Variants in ACTN4 observed in about 807,000 individuals in gnomAD.
ACTN4 encodes the protein actinin alpha 4.
Under a neutral mutation model 114.2 loss-of-function variants are expected in ACTN4, and 18 were observed. The ratio of observed to expected loss-of-function variants is 0.16; its 90% CI spans 0.11 to 0.23. ACTN4 has a LOEUF of 0.23. ACTN4 is among the 10% of genes least tolerant of loss of function. The probability of loss-of-function intolerance (pLI) is 1.00; values close to 1 mark genes in which losing one functional copy is unlikely to be tolerated. For synonymous variants in ACTN4, 515 were observed against 506.3 expected (o/e 1.02, Z -0.23); for missense variants, 722 against 1,262.9 (o/e 0.57, Z 6.49).
At chr19:38,648,820 A>G (rs987020413) in intron 1 of ACTN4, among the ~76,000 whole-genome samples, 1 of 151,938 alleles carries the variant, frequency 6.6e-6, no homozygotes, top group African/African-American at 2.4e-5. Context: ...AATTGATGGG[A>G]AGCTGAAAAG....
In ACTN4 at chr19:38,729,966, C is replaced by CAAGCACCCCGCTTT. The variant is rs1969429809; in HGVS notation, c.*535_*548dup. 1 of 325,622 alleles carries CAAGCACCCCGCTTT rather than the reference C, an allele frequency of 3.1e-6. No homozygotes were observed. Among genetic ancestry groups the CAAGCACCCCGCTTT allele is most frequent in the Non-Finnish European group, 6.0e-6 (1 of 167,200 alleles). 20.2% of individuals were successfully genotyped at this position (325,622 alleles called of 1,614,324 possible). Reference sequence around the variant, plus strand: ...TGCCATTGCCAGGAGATGGCCCCAACAAGCACCCCGCTTTTGCAGCAGAGG... The same window carrying CAAGCACCCCGCTTT: ...TGCCATTGCCAGGAGATGGCCCCAACAAGCACCCCGCTTTAAGCACCCCGCTTTTGCAGCAGAGG... On this transcript the variant is annotated 3_prime_UTR_variant, in exon 21 of 21. Coordinates refer to ENST00000252699, the MANE Select transcript of ACTN4 (RefSeq NM_004924.6).
At chr19:38,696,880 G>T (rs918492173) in intron 1 of ACTN4, among the ~76,000 whole-genome samples, 15 of 152,238 alleles carry the variant, frequency 9.9e-5, no homozygotes, top group African/African-American at 3.6e-4. Context: ...GCCTGTGTCA[G>T]TCAGGAAGAC....
chr19:38,649,878 C>T (rs1157736676), intron 1 of ACTN4, among the ~76,000 whole-genome samples: 2 of 152,072 alleles, frequency 1.3e-5, no homozygotes, highest in Non-Finnish European at 1.5e-5. Flanking sequence ...TGAATTTCCT[C>T]ATCCGTAGTA....
chr19:38,720,252 G>A lies in ACTN4; in HGVS notation c.1292-1286G>A, dbSNP rs190066467. On this transcript the variant is annotated intron_variant, in intron 11 of 20. Coordinates refer to ENST00000252699, the MANE Select transcript of ACTN4 (RefSeq NM_004924.6). ...GAGGGACTTGATTTCCTGGGAATAC[G>A]ACCAACCCCGAACGACCCCTTGTCC... Among the ~76,000 whole-genome samples, 435 of 152,312 alleles carry A rather than the reference G, an allele frequency of 2.9e-3. 4 individuals are homozygous for A. The highest frequency in any genetic ancestry group is 0.01 in the African/African-American group (418 of 41,568).
At chr19:38,701,165 C>T in intron 3 of ACTN4, 44 bp downstream of exon 3, 1 of 1,611,854 alleles carries the variant, frequency 6.2e-7, no homozygotes, top group Non-Finnish European at 8.5e-7. Context: ...CGGTTTCTGA[C>T]CTTTAGGCTC....
chr19:38,705,878 G>T (rs991124796), intron 4 of ACTN4, among the ~76,000 whole-genome samples, 166 bp from the exon 5 acceptor site: 3 of 152,230 alleles, frequency 2.0e-5, no homozygotes, highest in African/African-American at 7.2e-5. Flanking sequence ...ATCCGGAATG[G>T]GAGTGGCTGT....
intron 1 of ACTN4, among the ~76,000 whole-genome samples, chr19:38,667,269 T>C (rs1966990542): frequency 6.6e-6 from 1 of 152,210 alleles, no homozygotes; most frequent in East Asian, 1.9e-4. Context: ...GTGATGTCAT[T>C]GTTCGAAGCT....
At chr19:38,651,334 C>T (rs732135) in intron 1 of ACTN4, among the ~76,000 whole-genome samples, 8,150 of 152,210 alleles carry the variant, frequency 0.054, 241 homozygotes, top group South Asian at 0.11. Flanking sequence ...GGTTATGCAA[C>T]GGTTTTTACA....
chr19:38,649,585 G>C (rs1599752193), intron 1 of ACTN4, among the ~76,000 whole-genome samples: 1 of 152,192 alleles, frequency 6.6e-6, no homozygotes, highest in Admixed American at 6.5e-5. Context: ...TTAATAAAGA[G>C]GGATGTGTGT....
chr19:38,660,189 T>A (rs986257177), intron 1 of ACTN4, among the ~76,000 whole-genome samples: 2 of 152,252 alleles, frequency 1.3e-5, no homozygotes, highest in Non-Finnish European at 2.9e-5. Context: ...CCCAGAGTGC[T>A]GGGATTACAG....
chr19:38,686,894 C>G (rs1599798592), intron 1 of ACTN4, among the ~76,000 whole-genome samples: 1 of 152,234 alleles, frequency 6.6e-6, no homozygotes, highest in East Asian at 1.9e-4. Flanking sequence ...GGCCGCCTAT[C>G]CCCCTTTACC....
In ACTN4 at chr19:38,730,934, T is replaced by C. The variant is rs1286271529; in HGVS notation, c.*1502T>C. ...GGCAGGGAGCTCGCAGGACAGAGCC[T>C]GAGCCACCCTGTCCCTCCCACCTGG... On this transcript the variant is annotated 3_prime_UTR_variant, in exon 21 of 21. Transcript: ENST00000252699. The C allele has an allele frequency of 3.2e-6, 5 of 1,550,368 alleles. No homozygotes were observed. The highest frequency in any genetic ancestry group is 4.4e-6 in the Non-Finnish European group (5 of 1,147,026).
In ACTN4 at chr19:38,717,299, G is replaced by A. The variant is rs984771969; in HGVS notation, c.1126G>A (p.Glu376Lys). ...CAACCGGCCCGCCTTCATGCCCTCC[G>A]AGGGCAAGATGGTCTCGGTGAGCAC... Reference protein sequence around the residue: ...LSNRPAFMPSEGKMVSDINNG... With the variant: ...LSNRPAFMPSKGKMVSDINNG... The change falls in exon 10 of 21, where the codon GAG becomes AAG. Residue 376 changes from glutamate to lysine, a missense_variant. By Grantham distance (56) the Glu-to-Lys change is moderately conservative. Coordinates refer to ENST00000252699, the MANE Select transcript of ACTN4 (RefSeq NM_004924.6). This position sits in a 1 kb window ranked among gnomAD's most constrained non-coding sequence, Gnocchi z 4.0. 9 of 1,613,876 alleles carry A rather than the reference G, an allele frequency of 5.6e-6. No homozygotes were observed. Among genetic ancestry groups the A allele is most frequent in the Middle Eastern group, 1.6e-4 (1 of 6,084 alleles).
At chr19:38,654,582 A>G (rs968218751) in intron 1 of ACTN4, among the ~76,000 whole-genome samples, 1 of 152,062 alleles carries the variant, frequency 6.6e-6, no homozygotes, top group Non-Finnish European at 1.5e-5. Flanking sequence ...AAAAAAGAAA[A>G]AGAAAAGGAG....
At chr19:38,656,842 T>C (rs1976726576) in intron 1 of ACTN4, among the ~76,000 whole-genome samples, 1 of 152,218 alleles carries the variant, frequency 6.6e-6, no homozygotes. Context: ...GTTTTTCTTT[T>C]CATCTTTTCC....
At chr19:38,669,871 A>G (rs910756863) in intron 1 of ACTN4, among the ~76,000 whole-genome samples, 2 of 152,156 alleles carry the variant, frequency 1.3e-5, no homozygotes, top group Admixed American at 6.5e-5. Context: ...CTCCTTGGGT[A>G]GCTGGAAGCA....
intron 1 of ACTN4, among the ~76,000 whole-genome samples, chr19:38,668,649 G>A (rs1967037652): frequency 6.6e-6 from 1 of 152,078 alleles, no homozygotes; most frequent in Admixed American, 6.6e-5. Flanking sequence ...TCGTGCCACT[G>A]CACTCCAGCC....
In ACTN4 at chr19:38,725,852, C is replaced by T; in HGVS notation, c.2139C>T (p.Leu713=). The T allele has an allele frequency of 1.2e-6, 2 of 1,614,156 alleles. No homozygotes were observed. The highest frequency in any genetic ancestry group is 8.5e-7 in the Non-Finnish European group (1 of 1,180,040). Residue 713 remains leucine, a synonymous_variant, in exon 17 of 21, where the codon CTC becomes CTT. Coordinates refer to ENST00000252699, the MANE Select transcript of ACTN4 (RefSeq NM_004924.6). ...ACCTGCTGGAGCAGCAGCACCAGCT[C>T]ATCCAGGAGGCCCTCATCTTCGACA... ...NLDLLEQQHQ[L]IQEALIFDNK...
chr19:38,718,084 A>T lies in ACTN4; in HGVS notation c.1291+10A>T, dbSNP rs377082312. The T allele has an allele frequency of 1.4e-5, 22 of 1,602,788 alleles. No individual in the cohort carries two copies. The highest frequency in any genetic ancestry group is 1.8e-5 in the Non-Finnish European group (21 of 1,174,702). ...GAGGCCTGGACTGACGGTACGGCCC[A>T]GCTCTGCCCCACTCTGCCCAGCCCC... On this transcript the variant is annotated intron_variant, in intron 11 of 20. Transcript: ENST00000252699.
Sources: gnomAD v4.1 joint callset for allele counts (sites outside exome capture counted in the v4.1 genomes callset) on GRCh38, gnomAD v4.1.1 for gene constraint, Gnocchi (gnomAD v3.1) non-coding constraint, MANE v1.5 for transcripts, NCBI Gene and HGNC (gene_info 2026-07-23, HGNC 2026-07-21) for gene names.